SEMA5A: variants seen among roughly 807,000 people sequenced by gnomAD.
SEMA5A encodes semaphorin-5A.
In SEMA5A, 55 loss-of-function variants were observed where a neutral mutation model predicts 135.5. The ratio of observed to expected loss-of-function variants is 0.41; its 90% CI spans 0.33 to 0.51. The LOEUF is 0.51. Among genes scored for constraint, SEMA5A ranks in the 20% least tolerant of loss-of-function variants. The pLI, the probability that SEMA5A is intolerant of heterozygous loss-of-function variation, is 0.37. For synonymous variants in SEMA5A, 580 were observed against 546.5 expected (o/e 1.06, Z -0.85); for missense variants, 1,290 against 1,419.9 (o/e 0.91, Z 1.47).
chr5:9,296,639 C>A (rs1751347085), intron 5 of SEMA5A, among the ~76,000 whole-genome samples: 1 of 151,974 alleles, frequency 6.6e-6, no homozygotes, highest in African/African-American at 2.4e-5. Flanking sequence ...CTGTTATTCT[C>A]TAATTACAAA....
At chr5:9,060,222 G>A (rs997216351) in intron 18 of SEMA5A, among the ~76,000 whole-genome samples, 2 of 152,112 alleles carry the variant, frequency 1.3e-5, no homozygotes, top group Admixed American at 6.5e-5. Context: ...ATGAGGACAG[G>A]GTTATTTCAA....
intron 4 of SEMA5A, among the ~76,000 whole-genome samples, chr5:9,322,826 C>T (rs1055335167): frequency 1.3e-5 from 2 of 151,964 alleles, no homozygotes; most frequent in African/African-American, 4.8e-5. Context: ...TTCACCTGCA[C>T]CAAACATGCA....
chr5:9,412,418 A>G (rs1366471268), intron 2 of SEMA5A, among the ~76,000 whole-genome samples: 1 of 151,818 alleles, frequency 6.6e-6, no homozygotes, highest in Non-Finnish European at 1.5e-5. Flanking sequence ...ATATTCTTTA[A>G]ACTCTCAGAT....
chr5:9,190,038 C>T (rs754580312), intron 11 of SEMA5A, among the ~76,000 whole-genome samples: 6 of 152,152 alleles, frequency 3.9e-5, no homozygotes, highest in Non-Finnish European at 8.8e-5. Context: ...AAGAAACAAG[C>T]CATTGTCTTT....
At chr5:9,427,635 T>C (rs1363236499) in intron 2 of SEMA5A, among the ~76,000 whole-genome samples, 2 of 152,144 alleles carry the variant, frequency 1.3e-5, no homozygotes, top group African/African-American at 2.4e-5. Context: ...CAACCAGTAA[T>C]AAGGCACAGT....
chr5:9,098,700 C>T (rs1352455050), intron 16 of SEMA5A, among the ~76,000 whole-genome samples: 1 of 152,184 alleles, frequency 6.6e-6, no homozygotes, highest in Non-Finnish European at 1.5e-5. Context: ...GTACTGCCTA[C>T]TCGTGTAGGC....
At chr5:9,472,323 C>T (rs1387743767) in intron 1 of SEMA5A, among the ~76,000 whole-genome samples, 1 of 152,144 alleles carries the variant, frequency 6.6e-6, no homozygotes, top group African/African-American at 2.4e-5. Flanking sequence ...ATCTAGTGCC[C>T]TGGAAGATGC....
intron 16 of SEMA5A, among the ~76,000 whole-genome samples, chr5:9,096,896 C>G (rs185644681): frequency 1.1e-4 from 16 of 152,180 alleles, no homozygotes; most frequent in African/African-American, 3.9e-4. Flanking sequence ...TATGAGATGT[C>G]ACCTTACGCC....
intron 1 of SEMA5A, among the ~76,000 whole-genome samples, chr5:9,472,782 AT>A (rs1411877036): frequency 6.6e-6 from 1 of 152,032 alleles, no homozygotes; most frequent in African/African-American, 2.4e-5. Context: ...TCTACAGATA[AT>A]CATCACTATC....
intron 3 of SEMA5A, among the ~76,000 whole-genome samples, chr5:9,370,291 G>A (rs192557156): frequency 6.6e-6 from 1 of 152,334 alleles, no homozygotes; most frequent in Non-Finnish European, 1.5e-5. Context: ...ATTTTAGTTA[G>A]CAGGGTTTGC....
intron 2 of SEMA5A, among the ~76,000 whole-genome samples, chr5:9,408,009 T>TAAC (rs1756957874): frequency 6.6e-6 from 1 of 150,580 alleles, no homozygotes; most frequent in Admixed American, 6.6e-5. Context: ...TCACCATCAC[T>TAAC]ACCAACACCA....
At chr5:9,046,374 C>A (rs1166643594) in intron 21 of SEMA5A, among the ~76,000 whole-genome samples, 1 of 152,184 alleles carries the variant, frequency 6.6e-6, no homozygotes, top group Admixed American at 6.5e-5. Flanking sequence ...TGCATCGTAA[C>A]CACCCCAGTC....
chr5:9,201,836 C>A, intron 9 of SEMA5A, 119 bp downstream of exon 9: 2 of 953,910 alleles, frequency 2.1e-6, no homozygotes, highest in South Asian at 1.8e-5. Context: ...TGTCTGTTAG[C>A]CCAGTAAATT....
rs141149949 is a variant in SEMA5A at position 9,415,695 on chromosome 5, A to T, written c.-78+22061T>A. Among the ~76,000 whole-genome samples, 76 of 152,318 alleles carry T rather than the reference A, an allele frequency of 5.0e-4. 1 individual carries two copies. The highest frequency in any genetic ancestry group is 1.8e-3 in the African/African-American group (76 of 41,576). ...GCAATTTTCCTTTAAATAAAATGGA[A>T]AATATATGTAATAGAAGCCCTGCTG... On this transcript the variant is annotated intron_variant, in intron 2 of 22. Coordinates refer to ENST00000382496, the MANE Select transcript of SEMA5A (RefSeq NM_003966.3).
intron 16 of SEMA5A, among the ~76,000 whole-genome samples, chr5:9,084,810 G>A (rs1579362811): frequency 6.6e-6 from 1 of 152,306 alleles, no homozygotes; most frequent in East Asian, 1.9e-4. Context: ...GGTAGAGGTT[G>A]GAACAGTTTG....
intron 18 of SEMA5A, among the ~76,000 whole-genome samples, chr5:9,055,088 T>TA (rs1253945838): frequency 6.6e-6 from 1 of 152,206 alleles, no homozygotes; most frequent in Non-Finnish European, 1.5e-5. Context: ...GCCTGCTGAA[T>TA]GCTGGGGTCA....
chr5:9,170,569 G>A (rs1743862644), intron 11 of SEMA5A, among the ~76,000 whole-genome samples: 1 of 152,130 alleles, frequency 6.6e-6, no homozygotes, highest in Non-Finnish European at 1.5e-5. Context: ...ATTAGGTCAT[G>A]AGGGTGGAGC....
chr5:9,534,732 G>A (rs1357524018), intron 1 of SEMA5A, among the ~76,000 whole-genome samples: 2 of 152,182 alleles, frequency 1.3e-5, no homozygotes, highest in Non-Finnish European at 2.9e-5. Flanking sequence ...AGTGGCAGTG[G>A]CACGGGCAGC....
At chr5:9,447,232 A>C (rs1758466676) in intron 1 of SEMA5A, among the ~76,000 whole-genome samples, 1 of 152,348 alleles carries the variant, frequency 6.6e-6, no homozygotes, top group African/African-American at 2.4e-5. Context: ...AGCCAATCCA[A>C]TGTGCATATT....
Sources: allele counts gnomAD v4.1 joint callset (sites outside exome capture counted in the v4.1 genomes callset), GRCh38; gene constraint gnomAD v4.1.1; transcripts MANE v1.5; gene names NCBI Gene and HGNC (gene_info 2026-07-23, HGNC 2026-07-21).